Variants in VTI1A observed in about 807,000 individuals in gnomAD.
VTI1A encodes vesicle transport through interaction with t-SNAREs homolog 1A.
VTI1A carries 22 observed loss-of-function variants against 34.9 expected under a neutral mutation model. The observed-to-expected ratio is 0.63, with a 90% CI of 0.45 to 0.90. The LOEUF (loss-of-function observed/expected upper bound fraction) is 0.90, where lower values mean the gene tolerates loss of function less well. VTI1A is among the 40% of genes least tolerant of loss of function. The probability of loss-of-function intolerance (pLI) is 0.00; values close to 1 mark genes in which losing one functional copy is unlikely to be tolerated. For missense variants in VTI1A, 268 were observed against 275.6 expected (o/e 0.97, Z 0.20); for synonymous variants, 87 against 97.3 (o/e 0.89, Z 0.62).
chr10:112,739,103 G>A (rs1850599033), intron 7 of VTI1A, among the ~76,000 whole-genome samples: 1 of 152,172 alleles, frequency 6.6e-6, no homozygotes, highest in Non-Finnish European at 1.5e-5. Context: ...CACGATGCTT[G>A]CACATTGGCA....
At chr10:112,503,400 C>T (rs1379555563) in intron 3 of VTI1A, among the ~76,000 whole-genome samples, 1 of 152,148 alleles carries the variant, frequency 6.6e-6, no homozygotes, top group East Asian at 1.9e-4. Flanking sequence ...CACTTAACAT[C>T]ATATAGAATG....
chr10:112,447,428 A>G lies in VTI1A; in HGVS notation c.55A>G (p.Ile19Val). Residue 19 changes from isoleucine to valine, a missense_variant, in exon 1 of 8, where the codon ATC becomes GTC. Ile to Val is a conservative substitution (Grantham distance 29). Transcript: ENST00000393077. ...EQDFAVLTAEITSKIARVPRL... is the reference protein window; with the variant it reads ...EQDFAVLTAEVTSKIARVPRL... ...GGACTTCGCGGTGCTCACTGCAGAGATCACCAGCAAGATTGCGAGGGTCCC... is the reference window on the plus strand; with the variant it reads ...GGACTTCGCGGTGCTCACTGCAGAGGTCACCAGCAAGATTGCGAGGGTCCC... The G allele has an allele frequency of 6.2e-7, 1 of 1,613,642 alleles. No homozygotes were observed.
At position 112,460,569 on chromosome 10, in the gene VTI1A, A is replaced by G. The variant is rs1847697495; in HGVS notation, c.140A>G (p.Glu47Gly). ...GCAAATGTGGAGAAACAGCTTGAAG[A>G]AGCGAAAGAACTGGTATGTACAGAC... is the stretch of plus-strand genomic sequence containing the variant. ...MVANVEKQLE[E>G]AKELLEQMDL... The change falls in exon 2 of 8, where the codon GAA becomes GGA. Residue 47 changes from glutamate (E) to glycine (G), a missense_variant. Glu to Gly is a moderately conservative substitution (Grantham distance 98). Transcript: ENST00000393077. 1.2e-6 allele frequency: 2 copies of G among 1,609,222 alleles called. No individual in the cohort carries two copies. Among genetic ancestry groups the G allele is most frequent in the Non-Finnish European group, 8.5e-7 (1 of 1,177,910 alleles).
chr10:112,798,134 G>T (rs1246092117), intron 7 of VTI1A, among the ~76,000 whole-genome samples: 2 of 152,186 alleles, frequency 1.3e-5, no homozygotes, highest in Non-Finnish European at 2.9e-5. Context: ...CAGGCTGGCG[G>T]TGTTAGGTCA....
intron 7 of VTI1A, among the ~76,000 whole-genome samples, chr10:112,693,740 CCTAGTTGCTCTTT>C (rs1305970943): frequency 6.6e-6 from 1 of 151,912 alleles, no homozygotes; most frequent in Non-Finnish European, 1.5e-5. Flanking sequence ...ATTAAAAGGC[CCTAGTTGCTCTTT>C]CTGAGTGCTG....
At chr10:112,551,101 G>A (rs1400069875) in intron 5 of VTI1A, among the ~76,000 whole-genome samples, 3 of 151,996 alleles carry the variant, frequency 2.0e-5, no homozygotes, top group East Asian at 1.9e-4. Flanking sequence ...AAAATTAGCC[G>A]GGCGTGATAG....
intron 7 of VTI1A, among the ~76,000 whole-genome samples, chr10:112,769,807 T>C (rs911018058): frequency 7.2e-5 from 11 of 152,164 alleles, no homozygotes; most frequent in African/African-American, 2.7e-4. Context: ...GGTAGGAATC[T>C]GGGAAATAAC....
chr10:112,692,887 T>A (rs1848655252), intron 7 of VTI1A, among the ~76,000 whole-genome samples: 1 of 152,194 alleles, frequency 6.6e-6, no homozygotes, highest in African/African-American at 2.4e-5. Context: ...AGACAGTGAG[T>A]CCCTGGAGGA....
intron 4 of VTI1A, among the ~76,000 whole-genome samples, chr10:112,535,976 A>G (rs548127616): frequency 6.0e-4 from 91 of 152,338 alleles, no homozygotes; most frequent in African/African-American, 1.9e-3. Context: ...GATAAAATTG[A>G]ACTGTTCTGA....
chr10:112,685,677 G>A (rs768595107), intron 7 of VTI1A, among the ~76,000 whole-genome samples: 3 of 151,722 alleles, frequency 2.0e-5, no homozygotes, highest in Non-Finnish European at 4.4e-5. Context: ...TTCCCCCCTT[G>A]TTCTGTAGTA....
intron 7 of VTI1A, among the ~76,000 whole-genome samples, chr10:112,703,539 C>T (rs1355575824): frequency 6.6e-6 from 1 of 151,914 alleles, no homozygotes; most frequent in Admixed American, 6.6e-5. Context: ...GCACTCCAGC[C>T]TGGGCAACAA....
rs557312657 is a variant in VTI1A, at chr10:112,448,224, AC to A, written c.94+763del. On this transcript the variant is annotated intron_variant, in intron 1 of 7. Coordinates refer to ENST00000393077, the MANE Select transcript of VTI1A (RefSeq NM_145206.4). ...CTGTATTAGCATTAGTATTTTTCAT[AC>A]CCCCCACCCCCATTTCTTGTTTCTC... 3.1e-3 allele frequency among the ~76,000 whole-genome samples: 469 copies of A among 151,042 alleles called. 3 individuals carry two copies. The highest frequency in any genetic ancestry group is 0.011 in the African/African-American group (442 of 41,068).
chr10:112,657,931 T>C (rs1184961608), intron 5 of VTI1A, among the ~76,000 whole-genome samples: 1 of 152,172 alleles, frequency 6.6e-6, no homozygotes, highest in Non-Finnish European at 1.5e-5. Context: ...AATTCGTTTT[T>C]GTTGTTGTTA....
In VTI1A at chr10:112,663,194, C is replaced by T. The variant is rs189343953; in HGVS notation, c.428-5024C>T. ...TTGTGTTTAGAGTTCATCTAGATTC[C>T]GTTCTGTTTTGTAAGCCTACATCAT... On this transcript the variant is annotated intron_variant, in intron 5 of 7. Coordinates refer to ENST00000393077, the MANE Select transcript of VTI1A (RefSeq NM_145206.4). 2.0e-3 allele frequency among the ~76,000 whole-genome samples: 299 copies of T among 152,240 alleles called. 2 individuals are homozygous for T. The highest frequency in any genetic ancestry group is 6.7e-3 in the African/African-American group (277 of 41,548).
intron 7 of VTI1A, among the ~76,000 whole-genome samples, chr10:112,698,441 C>T (rs552037493): frequency 5.3e-5 from 8 of 152,222 alleles, no homozygotes; most frequent in East Asian, 1.9e-4. Context: ...AAACTATAGA[C>T]GTAAATCCTT....
chr10:112,622,234 T>A (rs974767264), intron 5 of VTI1A, among the ~76,000 whole-genome samples: 1 of 152,168 alleles, frequency 6.6e-6, no homozygotes, highest in African/African-American at 2.4e-5. Context: ...AACCGGTCCC[T>A]GTGCCCCTGA....
intron 7 of VTI1A, among the ~76,000 whole-genome samples, chr10:112,778,961 C>T (rs916759535): frequency 7.2e-5 from 11 of 152,052 alleles, no homozygotes; most frequent in Non-Finnish European, 4.4e-5. Flanking sequence ...GACACATTTT[C>T]CTAAAAGAAG....
intron 5 of VTI1A, among the ~76,000 whole-genome samples, chr10:112,546,023 TGTATACGCGTATGTGTGTGTATATAC>T (rs1851087228): frequency 7.9e-5 from 11 of 139,358 alleles, no homozygotes; most frequent in Admixed American, 2.7e-4. Context: ...TGTATATACG[TGTATACGCGTATGTGTGTGTATATAC>T]GTGTATACGC....
chr10:112,800,912 C>T (rs1852855007), intron 7 of VTI1A, among the ~76,000 whole-genome samples: 1 of 152,118 alleles, frequency 6.6e-6, no homozygotes, highest in South Asian at 2.1e-4. Flanking sequence ...GTAACTTAAC[C>T]AATGCTGTAC....
Sources: gnomAD v4.1 joint callset for allele counts (sites outside exome capture counted in the v4.1 genomes callset) on GRCh38, gnomAD v4.1.1 for gene constraint, MANE v1.5 for transcripts, NCBI Gene and HGNC (gene_info 2026-07-23, HGNC 2026-07-21) for gene names.